NRXN3: variants seen among roughly 807,000 people sequenced by gnomAD.
NRXN3 encodes neurexin III.
In NRXN3, 32 loss-of-function variants were observed where a neutral mutation model predicts 137.6. That is an observed-to-expected ratio of 0.23 (90% confidence interval 0.18 to 0.31). The LOEUF (loss-of-function observed/expected upper bound fraction) is 0.31. NRXN3 is among the 10% of genes least tolerant of loss of function. The pLI, the probability that NRXN3 is intolerant of heterozygous loss-of-function variation, is 1.00. For synonymous variants in NRXN3, 798 were observed against 784.5 expected, an observed-to-expected ratio of 1.02 and a Z score of -0.29; for missense variants, 1,574 against 2,062.5, an observed-to-expected ratio of 0.76 and a Z score of 4.59.
chr14:78,625,463 TA>T (rs2097449181), intron 4 of NRXN3, among the ~76,000 whole-genome samples: 1 of 152,192 alleles, frequency 6.6e-6, no homozygotes, highest in African/African-American at 2.4e-5. Flanking sequence ...AGCTTGTGAC[TA>T]ATAGAAAACC....
intron 15 of NRXN3, among the ~76,000 whole-genome samples, chr14:79,218,810 C>A (rs988671355): frequency 6.6e-6 from 1 of 152,006 alleles, no homozygotes; most frequent in Non-Finnish European, 1.5e-5. Flanking sequence ...GGTAAACAGA[C>A]GACTGATTAG....
At chr14:78,234,032 A>G (rs1320671090) in intron 1 of NRXN3, among the ~76,000 whole-genome samples, 1 of 152,222 alleles carries the variant, frequency 6.6e-6, no homozygotes, top group Non-Finnish European at 1.5e-5. Context: ...TTCTCCTGAT[A>G]GTGAGTAGGT....
chr14:78,518,000 T>C (rs1486221464), intron 4 of NRXN3, among the ~76,000 whole-genome samples: 1 of 152,176 alleles, frequency 6.6e-6, no homozygotes, highest in Non-Finnish European at 1.5e-5. Flanking sequence ...TAAGTATGTC[T>C]TAGAAGAATA....
intron 17 of NRXN3, among the ~76,000 whole-genome samples, chr14:79,675,009 T>C (rs1339448177): frequency 6.6e-6 from 1 of 152,052 alleles, no homozygotes; most frequent in Non-Finnish European, 1.5e-5. Context: ...CTATTTGTTT[T>C]TGAATCATCA....
intron 15 of NRXN3, among the ~76,000 whole-genome samples, chr14:79,146,150 C>A (rs2059281030): frequency 6.6e-6 from 1 of 152,054 alleles, no homozygotes; most frequent in Non-Finnish European, 1.5e-5. Flanking sequence ...CCCAATAGTC[C>A]CCATTTTTGC....
At chr14:78,619,915 G>A (rs551472135) in intron 4 of NRXN3, among the ~76,000 whole-genome samples, 1 of 152,278 alleles carries the variant, frequency 6.6e-6, no homozygotes, top group South Asian at 2.1e-4. Flanking sequence ...GACACAGGAA[G>A]AAGATGGCCA....
intron 15 of NRXN3, among the ~76,000 whole-genome samples, chr14:79,083,263 A>C (rs1220347949): frequency 6.6e-6 from 1 of 152,144 alleles, no homozygotes; most frequent in Non-Finnish European, 1.5e-5. Context: ...AGTGAAGAAG[A>C]CTTATTTGAT....
chr14:79,308,075 G>T (rs1165538200), intron 15 of NRXN3, among the ~76,000 whole-genome samples: 3 of 152,024 alleles, frequency 2.0e-5, no homozygotes, highest in African/African-American at 7.2e-5. Context: ...AAGGATACTA[G>T]TCATGATTGA....
At chr14:78,661,003 C>T (rs1218197436) in intron 6 of NRXN3, among the ~76,000 whole-genome samples, 1 of 152,128 alleles carries the variant, frequency 6.6e-6, no homozygotes, top group Non-Finnish European at 1.5e-5. Context: ...TCCCAGGATA[C>T]AGAGAGAATT....
intron 15 of NRXN3, among the ~76,000 whole-genome samples, chr14:79,130,608 A>C (rs1213491178): frequency 6.6e-6 from 1 of 151,984 alleles, no homozygotes; most frequent in African/African-American, 2.4e-5. Context: ...GGCTGCCCTT[A>C]ACATTTTTTC....
chr14:79,213,795 T>C (rs1248256882), intron 15 of NRXN3, among the ~76,000 whole-genome samples: 2 of 152,172 alleles, frequency 1.3e-5, no homozygotes, highest in Admixed American at 6.6e-5. Context: ...TCTCTCACTC[T>C]TTCAAAATGT....
intron 15 of NRXN3, among the ~76,000 whole-genome samples, chr14:79,383,319 C>T (rs1199307663): frequency 1.3e-5 from 2 of 152,092 alleles, no homozygotes; most frequent in Non-Finnish European, 2.9e-5. Flanking sequence ...TTTTATCTGT[C>T]CTCTTTTTGA....
At chr14:79,082,077 T>TATAC (rs1555726204) in intron 15 of NRXN3, among the ~76,000 whole-genome samples, 29 of 151,342 alleles carry the variant, frequency 1.9e-4, no homozygotes, top group Non-Finnish European at 3.1e-4. Context: ...CATATATATA[T>TATAC]ACATATATAC....
intron 15 of NRXN3, among the ~76,000 whole-genome samples, chr14:79,369,033 A>G (rs2153431183): frequency 6.6e-6 from 1 of 152,362 alleles, no homozygotes; most frequent in East Asian, 1.9e-4. Context: ...GGAGTTGGAA[A>G]ATCAATCGTG....
intron 4 of NRXN3, among the ~76,000 whole-genome samples, chr14:78,575,948 A>G (rs1044795490): frequency 1.3e-5 from 2 of 152,200 alleles, no homozygotes; most frequent in Admixed American, 6.5e-5. Context: ...AATAAAGTGG[A>G]AGGAAAGCAA....
At chr14:79,793,159 C>T (rs2099150562) in intron 19 of NRXN3, among the ~76,000 whole-genome samples, 1 of 151,948 alleles carries the variant, frequency 6.6e-6, no homozygotes, top group Non-Finnish European at 1.5e-5. Flanking sequence ...CGGCCGGGCG[C>T]GGTGGCTCAA....
rs1267145277 is a variant in NRXN3 at position 79,675,490 on chromosome 14, G to A, written c.3616+11541G>A. Among the ~76,000 whole-genome samples, 23 of 151,962 alleles carry A rather than the reference G, an allele frequency of 1.5e-4. 1 individual carries two copies. Among genetic ancestry groups the A allele is most frequent in the Admixed American group, 1.4e-3 (21 of 15,242 alleles). On this transcript the variant is annotated intron_variant, in intron 17 of 20. Coordinates refer to ENST00000335750, the MANE Select transcript of NRXN3 (RefSeq NM_001330195.2). Reference sequence around the variant, plus strand: ...CTGGGGGAACCCTGATTTAAATCACGGATAGTTGGAAGCCTACAGCTTTTA... The same window carrying A: ...CTGGGGGAACCCTGATTTAAATCACAGATAGTTGGAAGCCTACAGCTTTTA...
At chr14:78,418,840 A>G (rs2093291220) in intron 4 of NRXN3, among the ~76,000 whole-genome samples, 1 of 152,222 alleles carries the variant, frequency 6.6e-6, no homozygotes, top group African/African-American at 2.4e-5. Flanking sequence ...TGAGGCAGAT[A>G]CATTTTCATT....
intron 8 of NRXN3, among the ~76,000 whole-genome samples, chr14:78,801,178 G>T (rs184763097): frequency 6.6e-6 from 1 of 152,160 alleles, no homozygotes; most frequent in Non-Finnish European, 1.5e-5. Context: ...AAAATTAGCC[G>T]CACATGGTGG....
Sources: gnomAD v4.1 joint callset for allele counts (sites outside exome capture counted in the v4.1 genomes callset) on GRCh38, gnomAD v4.1.1 for gene constraint, MANE v1.5 for transcripts, NCBI Gene and HGNC (gene_info 2026-07-23, HGNC 2026-07-21) for gene names.